Variants in GALNT16 observed in about 807,000 individuals in gnomAD.
The protein encoded by GALNT16 is UDP-GalNAc:polypeptide N-acetylgalactosaminyltransferase-like protein 1.
In GALNT16, 40 loss-of-function variants were observed where a neutral mutation model predicts 76.1. That is an observed-to-expected ratio of 0.53 (90% CI 0.41 to 0.68). The LOEUF is 0.68. GALNT16 is among the 30% of genes least tolerant of loss of function. The probability of loss-of-function intolerance (pLI) is 0.00; values close to 1 mark genes in which losing one functional copy is unlikely to be tolerated. For missense variants in GALNT16, 621 were observed against 731.9 expected (o/e 0.85, Z 1.75); for synonymous variants, 276 against 285.2 (o/e 0.97, Z 0.32).
At chr14:69,342,565 G>A (rs1044963562) in intron 12 of GALNT16, among the ~76,000 whole-genome samples, 2 of 151,362 alleles carry the variant, frequency 1.3e-5, no homozygotes, top group African/African-American at 4.9e-5. Context: ...AACAATAGGG[G>A]TTGGCTTCAG....
chr14:69,333,201 T>G lies in GALNT16; in HGVS notation c.863+32T>G. The G allele has an allele frequency of 6.9e-7, 1 of 1,456,998 alleles. No homozygotes were observed. The highest frequency in any genetic ancestry group is 9.5e-7 in the Non-Finnish European group (1 of 1,054,416). The allele number at this position is 1,456,998 out of a possible 1,614,324, so 90.3% of individuals were successfully genotyped here. ...GCTGCGGTGGGCTCTGGGGGACCCCTTCCTTCCCTGGGTCAGGGGCCTGGG... is the reference window on the plus strand; with the variant it reads ...GCTGCGGTGGGCTCTGGGGGACCCCGTCCTTCCCTGGGTCAGGGGCCTGGG... On this transcript the variant is annotated intron_variant, in intron 8 of 14. Transcript: ENST00000448469. This position sits in a 1 kb window ranked among gnomAD's most constrained non-coding sequence, Gnocchi z 4.2.
At chr14:69,314,786 T>G (rs2045077355) in intron 1 of GALNT16, among the ~76,000 whole-genome samples, 1 of 152,148 alleles carries the variant, frequency 6.6e-6, no homozygotes, top group Non-Finnish European at 1.5e-5. Flanking sequence ...TGGTTGGAAA[T>G]CACATTTTAT....
At chr14:69,359,249 T>G (rs988263072), downstream of GALNT16, 1 of 152,242 alleles carries the variant, frequency 6.6e-6, no homozygotes, top group African/African-American at 2.4e-5. Flanking sequence ...CAGAACCTGC[T>G]TCTCAGACTT....
chr14:69,263,210 T>C (rs1189925462), intron 1 of GALNT16, among the ~76,000 whole-genome samples: 2 of 152,200 alleles, frequency 1.3e-5, no homozygotes, highest in African/African-American at 4.8e-5. Context: ...AGTCAATGCT[T>C]CACATCCCCC....
chr14:69,377,804 C>CAAAAAAAAAAAAA, the GALNT16 span, among the ~76,000 whole-genome samples: 8 of 37,486 alleles, frequency 2.1e-4, no homozygotes, highest in East Asian at 1.2e-3. Flanking sequence ...GAGACTGTCT[C>CAAAAAAAAAAAAA]AAAAAAAAAA....
chr14:69,300,501 C>T (rs17836176), intron 1 of GALNT16, among the ~76,000 whole-genome samples: 7,206 of 152,288 alleles, frequency 0.047, 208 homozygotes, highest in Non-Finnish European at 0.06. Flanking sequence ...CAGAAAACCA[C>T]GCTTGCTTTT....
At chr14:69,350,486 A>G (rs925232098) in intron 14 of GALNT16, 3 of 152,296 alleles carry the variant, frequency 2.0e-5, no homozygotes, top group Non-Finnish European at 2.9e-5. Context: ...CTAGAAGAGC[A>G]TGAAGAAACA....
intron 12 of GALNT16, among the ~76,000 whole-genome samples, chr14:69,346,793 A>C (rs2045570212): frequency 6.6e-6 from 1 of 151,800 alleles, no homozygotes; most frequent in African/African-American, 2.4e-5. Context: ...CCCATCCTCT[A>C]TGTCTCAGGC....
intron 5 of GALNT16, 37 bp downstream of exon 5, chr14:69,326,064 T>A: frequency 6.6e-7 from 1 of 1,504,382 alleles, no homozygotes; most frequent in Non-Finnish European, 9.3e-7. Context: ...CAAGGGCCCA[T>A]CTTGGTGTCA....
At chr14:69,340,890 A>C (rs548948026) in intron 11 of GALNT16, among the ~76,000 whole-genome samples, 59 of 58,590 alleles carry the variant, frequency 1.0e-3, no homozygotes, top group Non-Finnish European at 2.5e-3. Context: ...TTATATTACA[A>C]ATGTAAGATA....
intron 1 of GALNT16, among the ~76,000 whole-genome samples, chr14:69,269,689 G>C (rs1258523199): frequency 6.7e-6 from 1 of 148,316 alleles, no homozygotes; most frequent in Non-Finnish European, 1.5e-5. Flanking sequence ...GTGTGATGTG[G>C]GGTTTGTGTG....
chr14:69,362,938 G>A, the GALNT16 span, among the ~76,000 whole-genome samples: 2 of 152,230 alleles, frequency 1.3e-5, no homozygotes, highest in East Asian at 1.9e-4. Context: ...TGCTGGTCTG[G>A]CTTTGAAACC....
At chr14:69,294,142 C>T (rs2044723422) in intron 1 of GALNT16, among the ~76,000 whole-genome samples, 1 of 151,588 alleles carries the variant, frequency 6.6e-6, no homozygotes, top group Non-Finnish European at 1.5e-5. Context: ...CCCGCCTTGG[C>T]CTCCCATCTC....
intron 1 of GALNT16, among the ~76,000 whole-genome samples, chr14:69,265,121 T>C (rs947250590): frequency 6.6e-6 from 1 of 152,094 alleles, no homozygotes; most frequent in African/African-American, 2.4e-5. Context: ...CAGCCAAAAA[T>C]GTTCAGATAT....
At chr14:69,378,793 T>TA in the GALNT16 span, among the ~76,000 whole-genome samples, 2 of 152,170 alleles carry the variant, frequency 1.3e-5, no homozygotes, top group African/African-American at 4.8e-5. Context: ...CTAGAGTATT[T>TA]AAAAAATAAA....
intron 2 of GALNT16, among the ~76,000 whole-genome samples, chr14:69,324,135 G>A (rs970500378): frequency 3.9e-5 from 6 of 152,016 alleles, no homozygotes; most frequent in African/African-American, 7.2e-5. Flanking sequence ...CCAGTACCCT[G>A]GGAGGAGTGA....
chr14:69,324,632 C>T (rs2045253901), intron 2 of GALNT16, 60 bp from the exon 3 acceptor site: 1 of 932,342 alleles, frequency 1.1e-6, no homozygotes, highest in Non-Finnish European at 1.7e-6. Flanking sequence ...CAAAGAAAAA[C>T]ATTGACCTGC....
At chr14:69,260,136 A>ACCCTCC, upstream of GALNT16, 1 of 113,994 alleles carries the variant, frequency 8.8e-6, no homozygotes. Flanking sequence ...TCTCCCTATC[A>ACCCTCC]CCCCCCCGCC....
At chr14:69,272,262 G>A (rs577330855) in intron 1 of GALNT16, among the ~76,000 whole-genome samples, 2 of 152,136 alleles carry the variant, frequency 1.3e-5, no homozygotes, top group Non-Finnish European at 2.9e-5. Flanking sequence ...ACTCAGGAAG[G>A]GGAGGCACAA....
Sources: gnomAD v4.1 joint callset for allele counts (sites outside exome capture counted in the v4.1 genomes callset) on GRCh38, gnomAD v4.1.1 for gene constraint, Gnocchi (gnomAD v3.1) non-coding constraint, MANE v1.5 for transcripts, NCBI Gene and HGNC (gene_info 2026-07-23, HGNC 2026-07-21) for gene names.